EPHB2: variants seen among roughly 807,000 people sequenced by gnomAD.
The protein encoded by EPHB2 is ephrin type-B receptor 2.
Under a neutral mutation model 96.4 loss-of-function variants are expected in EPHB2, and 18 were observed. The observed-to-expected ratio is 0.19, with a 90% confidence interval of 0.13 to 0.28. EPHB2 has a LOEUF of 0.28. Ranked by LOEUF, EPHB2 falls within the 10% of genes least tolerant of loss-of-function variation. The probability of loss-of-function intolerance (pLI) is 1.00; values close to 1 mark genes in which losing one functional copy is unlikely to be tolerated. For synonymous variants in EPHB2, 506 were observed against 534.1 expected (o/e 0.95, Z 0.72); for missense variants, 989 against 1,355.4 (o/e 0.73, Z 4.25).
chr1:22,868,716 A>G (rs1638563287), intron 5 of EPHB2, among the ~76,000 whole-genome samples: 1 of 152,176 alleles, frequency 6.6e-6, no homozygotes, highest in South Asian at 2.1e-4. Flanking sequence ...AGTGGGATGG[A>G]GAAGTATACT....
intron 1 of EPHB2, chr1:22,719,688 C>G (rs1643389809): frequency 6.6e-6 from 1 of 152,204 alleles, no homozygotes; most frequent in Admixed American, 6.5e-5. Flanking sequence ...TCCCGAGCCT[C>G]AGCTCTCTCT....
In EPHB2 at chr1:22,906,839, T is replaced by C. The variant is rs1365356903; in HGVS notation, c.2018T>C (p.Ile673Thr). ...CGGGACTTCCTGAGCGAAGCCTCCA[T>C]CATGGGCCAGTTCGACCATCCCAAC... The part of the protein sequence containing the change: ...QRRDFLSEAS[I>T]MGQFDHPNVI... The change falls in exon 11 of 16, where the codon ATC becomes ACC. Residue 673 changes from isoleucine (I) to threonine (T), a missense_variant. By Grantham distance (89) the Ile-to-Thr change is moderately conservative. Coordinates refer to ENST00000374630, the MANE Select transcript of EPHB2 (RefSeq NM_017449.5). The surrounding 1 kb of genome is among the most constrained non-coding windows in gnomAD (Gnocchi z 4.8). 6.2e-7 allele frequency: 1 copy of C among 1,614,208 alleles called. No individual in the cohort carries two copies. The highest frequency in any genetic ancestry group is 1.1e-5 in the South Asian group (1 of 91,080).
Position 22,733,321 on chromosome 1 carries a change from T to C in EPHB2, c.61+22278T>C, listed in dbSNP as rs1643757567. Among the ~76,000 whole-genome samples, 1 of 152,086 alleles carries C rather than the reference T, an allele frequency of 6.6e-6. No individual in the cohort carries two copies. The highest frequency in any genetic ancestry group is 1.9e-4 in the East Asian group (1 of 5,180). On this transcript the variant is annotated intron_variant, in intron 1 of 15. Coordinates refer to ENST00000374630, the MANE Select transcript of EPHB2 (RefSeq NM_017449.5). The surrounding 1 kb of genome is among the most constrained non-coding windows in gnomAD (Gnocchi z 4.6). ...ACCTCAGCCTTCCAAAGTGCTGGGA[T>C]TGCAGGCGTGAACCACTGTGGCTGG...
intron 13 of EPHB2, among the ~76,000 whole-genome samples, chr1:22,909,774 T>G (rs865830505): frequency 1.3e-5 from 2 of 152,126 alleles, no homozygotes; most frequent in South Asian, 4.1e-4. Context: ...TCGAAGAAAC[T>G]TCTTACACAG....
intron 3 of EPHB2, among the ~76,000 whole-genome samples, chr1:22,809,683 A>G (rs766205264): frequency 2.6e-5 from 4 of 152,068 alleles, no homozygotes; most frequent in Non-Finnish European, 5.9e-5. Flanking sequence ...GGACTGTCTA[A>G]CTCTAAGCTT....
chr1:22,874,121 A>C (rs1638760667), intron 5 of EPHB2, among the ~76,000 whole-genome samples: 2 of 152,094 alleles, frequency 1.3e-5, no homozygotes, highest in South Asian at 4.1e-4. Context: ...ATTCCAGAGC[A>C]CTCAGCTACT....
chr1:22,800,779 C>CA (rs1250807497), intron 3 of EPHB2, among the ~76,000 whole-genome samples: 1 of 151,132 alleles, frequency 6.6e-6, no homozygotes, highest in African/African-American at 2.4e-5. Flanking sequence ...GTGACACACA[C>CA]ACACACACAC....
At chr1:22,893,639 G>A (rs1639462783) in intron 7 of EPHB2, among the ~76,000 whole-genome samples, 2 of 152,146 alleles carry the variant, frequency 1.3e-5, no homozygotes, top group African/African-American at 2.4e-5. Flanking sequence ...AAAGAAATGA[G>A]GATTCCATTT....
At chr1:22,724,174 C>T (rs1393050180) in intron 1 of EPHB2, among the ~76,000 whole-genome samples, 2 of 152,206 alleles carry the variant, frequency 1.3e-5, no homozygotes, top group Non-Finnish European at 2.9e-5. Flanking sequence ...CAATCATCAA[C>T]ATGTTTACCA....
chr1:22,842,399 G>A (rs1276543037), intron 3 of EPHB2, among the ~76,000 whole-genome samples: 1 of 152,104 alleles, frequency 6.6e-6, no homozygotes, highest in East Asian at 1.9e-4. Context: ...ACTTACTTAT[G>A]GGTCCCTGTT....
chr1:22,746,856 C>A (rs2148373465), intron 1 of EPHB2, among the ~76,000 whole-genome samples: 1 of 152,066 alleles, frequency 6.6e-6, no homozygotes, highest in Non-Finnish European at 1.5e-5. Flanking sequence ...CCTCTGCACC[C>A]TCCTGACCTG....
intron 1 of EPHB2, among the ~76,000 whole-genome samples, chr1:22,738,941 T>A (rs1017566611): frequency 6.6e-6 from 1 of 152,208 alleles, no homozygotes; most frequent in Non-Finnish European, 1.5e-5. Flanking sequence ...ATACCAGCAG[T>A]GAGCTAGTAT....
chr1:22,882,192 C>G (rs1639067833), intron 5 of EPHB2, among the ~76,000 whole-genome samples, 167 bp from the exon 6 acceptor site: 1 of 152,192 alleles, frequency 6.6e-6, no homozygotes, highest in Non-Finnish European at 1.5e-5. Flanking sequence ...CCTGCATGAG[C>G]CCCTCTGCCC....
chr1:22,779,050 T>G (rs1296025604), intron 1 of EPHB2, among the ~76,000 whole-genome samples: 1 of 152,192 alleles, frequency 6.6e-6, no homozygotes, highest in Non-Finnish European at 1.5e-5. Context: ...TCCTCTGCCT[T>G]GTTCGACACA....
intron 3 of EPHB2, among the ~76,000 whole-genome samples, chr1:22,855,420 A>G (rs1166401217): frequency 1.3e-5 from 2 of 152,226 alleles, no homozygotes; most frequent in East Asian, 3.8e-4. Flanking sequence ...GCCAGCAGGT[A>G]AGCCTGGTTC....
chr1:22,820,858 C>T (rs527749322), intron 3 of EPHB2, among the ~76,000 whole-genome samples: 2 of 152,278 alleles, frequency 1.3e-5, no homozygotes, highest in Non-Finnish European at 2.9e-5. Flanking sequence ...TGCATAAGAT[C>T]GCTCAGATTA....
intron 3 of EPHB2, among the ~76,000 whole-genome samples, chr1:22,844,050 A>G (rs1340193136): frequency 6.6e-6 from 1 of 151,990 alleles, no homozygotes; most frequent in Non-Finnish European, 1.5e-5. Flanking sequence ...TCTACTGTTC[A>G]TGGACATTTA....
chr1:22,735,289 A>G (rs764338548), intron 1 of EPHB2, among the ~76,000 whole-genome samples: 9 of 151,910 alleles, frequency 5.9e-5, no homozygotes, highest in Admixed American at 1.3e-4. Context: ...TTTTTTTTTA[A>G]TTAGTCAGGC....
intron 3 of EPHB2, among the ~76,000 whole-genome samples, chr1:22,811,332 G>A (rs932551987): frequency 3.9e-5 from 6 of 152,104 alleles, no homozygotes; most frequent in Non-Finnish European, 5.9e-5. Flanking sequence ...TTAATTCCTC[G>A]GACCCTAATG....
Sources: gnomAD v4.1 joint callset for allele counts (sites outside exome capture counted in the v4.1 genomes callset) on GRCh38, gnomAD v4.1.1 for gene constraint, Gnocchi (gnomAD v3.1) non-coding constraint, MANE v1.5 for transcripts, NCBI Gene and HGNC (gene_info 2026-07-23, HGNC 2026-07-21) for gene names.